DCDC2: variants seen among roughly 807,000 people sequenced by gnomAD.
DCDC2 encodes the protein doublecortin domain containing 2.
In DCDC2, 40 loss-of-function variants were observed where a neutral mutation model predicts 50.2. The observed-to-expected ratio is 0.80, with a 90% CI of 0.62 to 1.04. DCDC2 has a LOEUF of 1.04. Ranked by LOEUF, DCDC2 falls within the 50% of genes least tolerant of loss-of-function variation. DCDC2 has a pLI of 0.00. For missense variants in DCDC2, 570 were observed against 581.9 expected, an observed-to-expected ratio of 0.98 and a Z score of 0.21; for synonymous variants, 234 against 210.6, an observed-to-expected ratio of 1.11 and a Z score of -0.96.
chr6:24,342,601 A>C (rs1384364155), intron 2 of DCDC2, among the ~76,000 whole-genome samples: 1 of 152,198 alleles, frequency 6.6e-6, no homozygotes, highest in East Asian at 1.9e-4. Flanking sequence ...TACAACCGAA[A>C]TGTGCAAGTC....
the DCDC2 span, among the ~76,000 whole-genome samples, chr6:24,366,460 T>C: frequency 6.6e-6 from 1 of 152,196 alleles, no homozygotes; most frequent in African/African-American, 2.4e-5. Context: ...GAAGGAAAGT[T>C]GGGAAAACTC....
intron 8 of DCDC2, among the ~76,000 whole-genome samples, chr6:24,191,813 G>C (rs1484340258): frequency 6.6e-6 from 1 of 152,198 alleles, no homozygotes; most frequent in Non-Finnish European, 1.5e-5. Flanking sequence ...ACACAGAAGA[G>C]TGGAAAGGGA....
At chr6:24,327,848 T>G (rs964032143) in intron 2 of DCDC2, among the ~76,000 whole-genome samples, 1 of 152,178 alleles carries the variant, frequency 6.6e-6, no homozygotes, top group African/African-American at 2.4e-5. Flanking sequence ...TAAAAAAAAT[T>G]TCTAAAAGCC....
intron 7 of DCDC2, among the ~76,000 whole-genome samples, chr6:24,212,343 C>G (rs1035375717): frequency 6.6e-6 from 1 of 152,190 alleles, no homozygotes; most frequent in African/African-American, 2.4e-5. Context: ...TGGGCAAAAA[C>G]AGGCCTTTCA....
intron 7 of DCDC2, among the ~76,000 whole-genome samples, chr6:24,276,054 G>A (rs1269708073): frequency 1.3e-5 from 2 of 151,478 alleles, no homozygotes; most frequent in African/African-American, 2.4e-5. Context: ...TATTTGTTTT[G>A]TAGAAACGGG....
chr6:24,212,015 C>T (rs760861269), intron 7 of DCDC2, among the ~76,000 whole-genome samples: 3 of 152,138 alleles, frequency 2.0e-5, no homozygotes, highest in Non-Finnish European at 2.9e-5. Flanking sequence ...AGGTGAGCGG[C>T]AGGTGAGTGA....
intron 4 of DCDC2, 97 bp downstream of exon 4, chr6:24,301,618 C>A (rs1759376682): frequency 6.8e-7 from 1 of 1,469,538 alleles, no homozygotes. Flanking sequence ...AACTGGGGAG[C>A]CAAAATTCAA....
chr6:24,286,353 G>C (rs544890318), intron 6 of DCDC2, among the ~76,000 whole-genome samples: 2 of 152,114 alleles, frequency 1.3e-5, no homozygotes, highest in Non-Finnish European at 2.9e-5. Flanking sequence ...AACACTTTGC[G>C]AGGCCAAGGC....
At chr6:24,318,891 CAT>C (rs1362744153) in intron 2 of DCDC2, among the ~76,000 whole-genome samples, 1 of 151,896 alleles carries the variant, frequency 6.6e-6, no homozygotes, top group African/African-American at 2.4e-5. Context: ...CTGAGATAAA[CAT>C]ATGAGTGCAG....
At chr6:24,276,526 T>G (rs1048870853) in intron 7 of DCDC2, among the ~76,000 whole-genome samples, 1 of 152,162 alleles carries the variant, frequency 6.6e-6, no homozygotes, top group African/African-American at 2.4e-5. Context: ...AACATAATTA[T>G]TAAGTGCCTC....
chr6:24,208,733 T>C lies in DCDC2; in HGVS notation c.923-3631A>G, dbSNP rs766308911. Among the ~76,000 whole-genome samples the C allele has an allele frequency of 2.2e-3, 338 of 152,346 alleles. 10 individuals carry two copies. Among genetic ancestry groups the C allele is most frequent in the Non-Finnish European group, 5.3e-4 (36 of 68,038 alleles). On this transcript the variant is annotated intron_variant, in intron 7 of 9. Coordinates refer to ENST00000378454, the MANE Select transcript of DCDC2 (RefSeq NM_016356.5). ...TCATGATCACACTTACTTTAATCAA[T>C]TTCTTTTACCAATTCTGCCCCCTTC... is the stretch of plus-strand genomic sequence containing the variant.
intron 7 of DCDC2, among the ~76,000 whole-genome samples, chr6:24,222,715 G>T (rs573152826): frequency 6.6e-6 from 1 of 151,978 alleles, no homozygotes; most frequent in Non-Finnish European, 1.5e-5. Flanking sequence ...ATTATTTCTC[G>T]TTAAAAATAA....
intron 7 of DCDC2, among the ~76,000 whole-genome samples, chr6:24,236,092 T>C (rs753015462): frequency 2.7e-4 from 41 of 151,964 alleles, no homozygotes; most frequent in Middle Eastern, 3.4e-3. Flanking sequence ...AAAAAAAAAA[T>C]TCTAAAATTC....
intron 4 of DCDC2, among the ~76,000 whole-genome samples, chr6:24,301,109 A>C (rs533806484): frequency 1.0e-3 from 158 of 151,850 alleles, no homozygotes; most frequent in East Asian, 3.3e-3. Context: ...TGGTGGCTCA[A>C]GCCTGTAATC....
chr6:24,293,913 A>G (rs1763803407), intron 4 of DCDC2, among the ~76,000 whole-genome samples: 2 of 152,224 alleles, frequency 1.3e-5, no homozygotes, highest in African/African-American at 2.4e-5. Flanking sequence ...AAATTAAAAA[A>G]CTTGCTCCTG....
At chr6:24,216,616 A>G (rs553352516) in intron 7 of DCDC2, among the ~76,000 whole-genome samples, 1 of 152,282 alleles carries the variant, frequency 6.6e-6, no homozygotes, top group South Asian at 2.1e-4. Context: ...GAGGCCATCA[A>G]GACAGTCAGG....
intron 8 of DCDC2, among the ~76,000 whole-genome samples, chr6:24,199,014 G>A (rs1050027066): frequency 9.2e-5 from 14 of 152,176 alleles, no homozygotes; most frequent in Admixed American, 2.6e-4. Flanking sequence ...TCCAGTCAGG[G>A]GCTCATAGAT....
At chr6:24,195,991 T>C (rs537082475) in intron 8 of DCDC2, among the ~76,000 whole-genome samples, 7 of 152,304 alleles carry the variant, frequency 4.6e-5, no homozygotes, top group East Asian at 1.9e-4. Flanking sequence ...TACTTACATA[T>C]AGACATATAC....
intron 2 of DCDC2, among the ~76,000 whole-genome samples, chr6:24,331,727 T>A (rs1581656762): frequency 6.6e-6 from 1 of 152,144 alleles, no homozygotes; most frequent in East Asian, 1.9e-4. Flanking sequence ...AAATTGTACA[T>A]GTAATAACAT....
Sources: allele counts gnomAD v4.1 joint callset (sites outside exome capture counted in the v4.1 genomes callset), GRCh38; gene constraint gnomAD v4.1.1; transcripts MANE v1.5; gene names NCBI Gene and HGNC (gene_info 2026-07-23, HGNC 2026-07-21).